KCNN3: variants seen among roughly 807,000 people sequenced by gnomAD.
The protein encoded by KCNN3 is potassium calcium-activated channel subfamily N member 3.
In KCNN3, 16 loss-of-function variants were observed where a neutral mutation model predicts 62.9. That is an observed-to-expected ratio of 0.25 (90% confidence interval 0.17 to 0.39). KCNN3 has a LOEUF of 0.39. KCNN3 is among the 10% of genes least tolerant of loss of function. The probability of loss-of-function intolerance (pLI) is 1.00; values close to 1 mark genes in which losing one functional copy is unlikely to be tolerated. For synonymous variants in KCNN3, 370 were observed against 389.2 expected, an observed-to-expected ratio of 0.95 and a Z score of 0.58; for missense variants, 599 against 949.4, an observed-to-expected ratio of 0.63 and a Z score of 4.85.
chr1:154,757,185 A>T (rs1647764745), intron 3 of KCNN3, among the ~76,000 whole-genome samples: 1 of 152,236 alleles, frequency 6.6e-6, no homozygotes. Flanking sequence ...TTCAGTGCTC[A>T]AACAATCTGT....
chr1:154,755,065 C>T (rs572858816), intron 3 of KCNN3, among the ~76,000 whole-genome samples: 2 of 152,346 alleles, frequency 1.3e-5, no homozygotes, highest in African/African-American at 4.8e-5. Context: ...TGGCCTGCTG[C>T]AGTAGCCTTT....
At chr1:154,826,709 A>G (rs1481196871) in intron 1 of KCNN3, among the ~76,000 whole-genome samples, 1 of 152,258 alleles carries the variant, frequency 6.6e-6, no homozygotes, top group African/African-American at 2.4e-5. Context: ...AGCCAGCCAC[A>G]TAAATTGCTC....
intron 3 of KCNN3, among the ~76,000 whole-genome samples, chr1:154,741,405 G>A (rs927008454): frequency 2.6e-5 from 4 of 152,172 alleles, no homozygotes; most frequent in Admixed American, 1.3e-4. Context: ...AATACTTGTG[G>A]ACTGACTAAG....
intron 1 of KCNN3, among the ~76,000 whole-genome samples, chr1:154,848,919 A>G (rs1037013563): frequency 2.0e-5 from 3 of 152,142 alleles, no homozygotes; most frequent in African/African-American, 4.8e-5. Flanking sequence ...GTGTCCCCCA[A>G]CGTCCCCGGG....
intron 2 of KCNN3, among the ~76,000 whole-genome samples, chr1:154,777,960 G>A (rs978954986): frequency 1.3e-5 from 2 of 152,192 alleles, no homozygotes; most frequent in Admixed American, 6.5e-5. Flanking sequence ...CACATTCTTC[G>A]AGTCACTGAC....
chr1:154,724,660 A>AACATCTCAGTGGGGTGTC (rs1317456498), intron 5 of KCNN3, among the ~76,000 whole-genome samples: 1 of 152,180 alleles, frequency 6.6e-6, no homozygotes, highest in Non-Finnish European at 1.5e-5. Context: ...TTCATCTCAG[A>AACATCTCAGTGGGGTGTC]CAATTCAGTG....
At position 154,703,654 on chromosome 1, in the gene KCNN3, G is replaced by C. The variant is rs953522123; in HGVS notation, c.*4322C>G. ...GAAACATTGATTCTTAATTTGGAGT[G>C]TACTGTTTGTTGAGTTGCACTCTGG... On this transcript the variant is annotated 3_prime_UTR_variant, in exon 8 of 8. Coordinates refer to ENST00000271915, the MANE Select transcript of KCNN3 (RefSeq NM_002249.6). The C allele has an allele frequency of 2.0e-5, 3 of 152,198 alleles. No individual in the cohort carries two copies. The highest frequency in any genetic ancestry group is 4.4e-5 in the Non-Finnish European group (3 of 68,032). 9.4% of individuals were successfully genotyped at this position (152,198 alleles called of 1,614,324 possible).
At chr1:154,827,662 G>C (rs558730838) in intron 1 of KCNN3, among the ~76,000 whole-genome samples, 3 of 152,230 alleles carry the variant, frequency 2.0e-5, no homozygotes, top group Admixed American at 1.3e-4. Context: ...AGCTGGGCAT[G>C]GTGGTGCAAG....
intron 4 of KCNN3, among the ~76,000 whole-genome samples, chr1:154,729,460 C>A (rs1030714077): frequency 4.6e-5 from 7 of 152,010 alleles, no homozygotes; most frequent in Admixed American, 1.3e-4. Flanking sequence ...TCTAGAGATT[C>A]GGACCCAAAT....
chr1:154,774,916 A>T lies in KCNN3; in HGVS notation c.1030-2523T>A, dbSNP rs576648277. On this transcript the variant is annotated intron_variant, in intron 2 of 7. Coordinates refer to ENST00000271915, the MANE Select transcript of KCNN3 (RefSeq NM_002249.6). ...CCGGAAGAAACTAGGCTGGGTTAGG[A>T]GAAATTAATGTTGGGGCCAGGGTTG... 9.2e-5 allele frequency among the ~76,000 whole-genome samples: 14 copies of T among 152,372 alleles called. No individual in the cohort carries two copies. In the South Asian group the frequency reaches 2.9e-3, roughly 32 times the overall value.
chr1:154,857,747 G>C (rs1220105508), intron 1 of KCNN3, among the ~76,000 whole-genome samples: 1 of 152,190 alleles, frequency 6.6e-6, no homozygotes, highest in Admixed American at 6.5e-5. Context: ...GTAAAATGGG[G>C]AGAATTATAT....
At chr1:154,860,642 G>T (rs1014046480) in intron 1 of KCNN3, among the ~76,000 whole-genome samples, 2 of 152,176 alleles carry the variant, frequency 1.3e-5, no homozygotes, top group Non-Finnish European at 2.9e-5. Flanking sequence ...AGCTTGTCAC[G>T]GACGGGAAGC....
chr1:154,859,243 C>T (rs1275858322), intron 1 of KCNN3, among the ~76,000 whole-genome samples: 1 of 152,232 alleles, frequency 6.6e-6, no homozygotes, highest in Non-Finnish European at 1.5e-5. Flanking sequence ...AGCTAAACTC[C>T]AATTCGTTAA....
chr1:154,777,705 TCATC>T (rs1048578604), intron 2 of KCNN3, among the ~76,000 whole-genome samples: 2 of 152,214 alleles, frequency 1.3e-5, no homozygotes, highest in African/African-American at 4.8e-5. Flanking sequence ...TTAGTCTCAG[TCATC>T]CAGCCCTGAT....
intron 1 of KCNN3, 123 bp downstream of exon 1, chr1:154,868,899 AATCTCTCTCT>A: frequency 1.2e-6 from 1 of 821,980 alleles, no homozygotes; most frequent in Non-Finnish European, 1.9e-6. Flanking sequence ...CCAATCTCTC[AATCTCTCTCT>A]CTCTCTCTCT....
At chr1:154,819,876 C>T (rs796450145) in intron 2 of KCNN3, among the ~76,000 whole-genome samples, 5 of 152,278 alleles carry the variant, frequency 3.3e-5, no homozygotes, top group African/African-American at 1.2e-4. Flanking sequence ...GGAAAGGGAC[C>T]AAAGTTTCCA....
At chr1:154,850,872 G>C (rs1652272751) in intron 1 of KCNN3, among the ~76,000 whole-genome samples, 1 of 152,222 alleles carries the variant, frequency 6.6e-6, no homozygotes, top group Non-Finnish European at 1.5e-5. Flanking sequence ...ATTTGACCTT[G>C]AAATGTGGAT....
intron 3 of KCNN3, among the ~76,000 whole-genome samples, chr1:154,740,851 T>G (rs1700809938): frequency 6.6e-6 from 1 of 152,268 alleles, no homozygotes; most frequent in African/African-American, 2.4e-5. Context: ...TTCTCATTGA[T>G]TCTAAAAGTT....
chr1:154,721,979 T>G (rs953981543), intron 5 of KCNN3, among the ~76,000 whole-genome samples: 2 of 151,478 alleles, frequency 1.3e-5, no homozygotes, highest in Non-Finnish European at 2.9e-5. Flanking sequence ...GCCACCAGAG[T>G]TGATAAGTCA....
Sources: allele counts gnomAD v4.1 joint callset (sites outside exome capture counted in the v4.1 genomes callset), GRCh38; gene constraint gnomAD v4.1.1; transcripts MANE v1.5; gene names NCBI Gene and HGNC (gene_info 2026-07-23, HGNC 2026-07-21).